Variants in CCDC7 observed in about 807,000 individuals in gnomAD.
The protein encoded by CCDC7 is coiled-coil domain-containing protein 7.
Under a neutral mutation model 196.9 loss-of-function variants are expected in CCDC7, and 183 were observed. The ratio of observed to expected loss-of-function variants is 0.93; its 90% CI spans 0.82 to 1.05. The LOEUF (loss-of-function observed/expected upper bound fraction) is 1.05. Among genes scored for constraint, CCDC7 ranks in the 50% least tolerant of loss-of-function variants. The probability of loss-of-function intolerance (pLI) is 0.00; values close to 1 mark genes in which losing one functional copy is unlikely to be tolerated. For synonymous variants in CCDC7, 525 were observed against 484.6 expected (o/e 1.08, Z -1.10); for missense variants, 1,540 against 1,482.2 (o/e 1.04, Z -0.64).
intron 26 of CCDC7, 52 bp from the exon 28 acceptor site, chr10:32,728,835 A>C: frequency 1.0e-6 from 1 of 981,212 alleles, no homozygotes; most frequent in Non-Finnish European, 1.5e-6. Flanking sequence ...CATATTATAC[A>C]TTCATAGATT....
chr10:32,461,709 G>GTGTATATA (rs1471520620), intron 3 of CCDC7, among the ~76,000 whole-genome samples: 5 of 57,486 alleles, frequency 8.7e-5, no homozygotes, highest in Non-Finnish European at 1.3e-4. Flanking sequence ...GTGTGTGTGT[G>GTGTATATA]TATATATATA....
upstream of CCDC7, among the ~76,000 whole-genome samples, chr10:32,449,410 A>G (rs148591956): frequency 6.6e-6 from 1 of 151,694 alleles, no homozygotes; most frequent in Non-Finnish European, 1.5e-5. Context: ...CTGGTCTCGA[A>G]CTCCTGACCT....
chr10:32,469,190 C>A (rs2037444820), intron 5 of CCDC7, among the ~76,000 whole-genome samples: 1 of 152,124 alleles, frequency 6.6e-6, no homozygotes, highest in Non-Finnish European at 1.5e-5. Context: ...ACAAAAACCA[C>A]ACAGTAATTT....
At chr10:32,713,637 G>A (rs1276654648) in intron 25 of CCDC7, among the ~76,000 whole-genome samples, 2 of 152,252 alleles carry the variant, frequency 1.3e-5, no homozygotes, top group Non-Finnish European at 2.9e-5. Flanking sequence ...GGACCTTAGT[G>A]CCTGGTGGGA....
At chr10:32,474,646 A>C (rs1179268325) in intron 8 of CCDC7, among the ~76,000 whole-genome samples, 1 of 152,166 alleles carries the variant, frequency 6.6e-6, no homozygotes, top group African/African-American at 2.4e-5. Flanking sequence ...GGCAGTGATA[A>C]ATTTAAATAG....
At chr10:32,578,937 G>C (rs1414872842) in intron 16 of CCDC7, among the ~76,000 whole-genome samples, 1 of 152,180 alleles carries the variant, frequency 6.6e-6, no homozygotes, top group Non-Finnish European at 1.5e-5. Context: ...TTTCTTCGGT[G>C]TTGATCACAG....
intron 21 of CCDC7, among the ~76,000 whole-genome samples, chr10:32,670,279 C>G (rs748085413): frequency 6.6e-6 from 1 of 152,078 alleles, no homozygotes; most frequent in Non-Finnish European, 1.5e-5. Flanking sequence ...ACTCCCCAGT[C>G]AACAGTTCAT....
chr10:32,563,504 C>T (rs1400131330), intron 13 of CCDC7, among the ~76,000 whole-genome samples: 1 of 152,104 alleles, frequency 6.6e-6, no homozygotes, highest in Non-Finnish European at 1.5e-5. Context: ...CACATATCTA[C>T]AACTATCTGA....
At chr10:32,714,720 T>TCGC (rs2081327068) in intron 25 of CCDC7, among the ~76,000 whole-genome samples, 1 of 151,912 alleles carries the variant, frequency 6.6e-6, no homozygotes, top group African/African-American at 2.4e-5. Context: ...GGGAGGGGTG[T>TCGC]CGCCATTACT....
At chr10:32,820,031 T>G (rs2089830271) in intron 31 of CCDC7, among the ~76,000 whole-genome samples, 1 of 152,200 alleles carries the variant, frequency 6.6e-6, no homozygotes, top group Admixed American at 6.5e-5. Flanking sequence ...ACATTGTCCG[T>G]GTTTGGAGAT....
chr10:32,702,880 C>T (rs1395900596), intron 24 of CCDC7, among the ~76,000 whole-genome samples: 1 of 152,172 alleles, frequency 6.6e-6, no homozygotes, highest in Non-Finnish European at 1.5e-5. Context: ...AGATCTTCCT[C>T]CATCCCTTTA....
At chr10:32,490,690 G>T (rs955403986) in intron 8 of CCDC7, among the ~76,000 whole-genome samples, 1 of 151,998 alleles carries the variant, frequency 6.6e-6, no homozygotes, top group Non-Finnish European at 1.5e-5. Flanking sequence ...CCAGCTACTC[G>T]GGAGGCTGAG....
At position 32,702,269 on chromosome 10, in the gene CCDC7, C is replaced by T. The variant is rs534190895; in HGVS notation, c.2458+7277C>T. On this transcript the variant is annotated intron_variant, in intron 24 of 41. Transcript: ENST00000639629. ...AACATCTTTATTTCTGCCTTCATTT[C>T]GTTGTGTACCTAGTAGTCATTCAGG... Among the ~76,000 whole-genome samples, 48 of 152,162 alleles carry T rather than the reference C, an allele frequency of 3.2e-4. 1 individual carries two copies. In the Middle Eastern group the frequency reaches 0.017, roughly 54 times the overall value.
At chr10:32,501,559 T>C (rs1024721529) in intron 9 of CCDC7, among the ~76,000 whole-genome samples, 1 of 152,138 alleles carries the variant, frequency 6.6e-6, no homozygotes, top group Non-Finnish European at 1.5e-5. Flanking sequence ...GTTGATACTA[T>C]TCCTTTCTGT....
chr10:32,511,493 A>G, intron 9 of CCDC7: 1 of 1,604,456 alleles, frequency 6.2e-7, no homozygotes, highest in South Asian at 1.1e-5. Flanking sequence ...TTCCTGTTTT[A>G]CTGGATGTTC....
At chr10:32,783,460 C>T (rs2081353489) in intron 29 of CCDC7, among the ~76,000 whole-genome samples, 1 of 152,156 alleles carries the variant, frequency 6.6e-6, no homozygotes, top group East Asian at 1.9e-4. Flanking sequence ...AATAAGATAT[C>T]ACTTCATAGC....
intron 9 of CCDC7, among the ~76,000 whole-genome samples, chr10:32,516,808 T>C (rs976958117): frequency 1.1e-4 from 16 of 152,238 alleles, no homozygotes; most frequent in Middle Eastern, 3.2e-3. Flanking sequence ...AAATTCTGTG[T>C]CTAGGTTTAT....
intron 33 of CCDC7, 65 bp from the exon 35 acceptor site, chr10:32,845,178 A>G: frequency 1.1e-6 from 1 of 933,128 alleles, no homozygotes; most frequent in Non-Finnish European, 1.6e-6. Flanking sequence ...TTAAACACAT[A>G]CACATACTCA....
intron 11 of CCDC7, among the ~76,000 whole-genome samples, chr10:32,524,970 C>A (rs552357785): frequency 6.6e-6 from 1 of 151,880 alleles, no homozygotes; most frequent in South Asian, 2.1e-4. Context: ...AACTATCTAC[C>A]CCATCTCTTT....
Sources: allele counts gnomAD v4.1 joint callset (sites outside exome capture counted in the v4.1 genomes callset), GRCh38; gene constraint gnomAD v4.1.1; transcripts MANE v1.5; gene names NCBI Gene and HGNC (gene_info 2026-07-23, HGNC 2026-07-21).